The following APC2 variants were observed in gnomAD, a reference collection of about 807,000 sequenced individuals.
APC2 encodes the protein APC regulator of Wnt signaling pathway 2, also known as adenomatous polyposis coli protein 2.
Under a neutral mutation model 72.5 loss-of-function variants are expected in APC2, and 41 were observed. The observed-to-expected ratio is 0.57, with a 90% CI of 0.44 to 0.73. The LOEUF (loss-of-function observed/expected upper bound fraction) is 0.73, where lower values mean the gene tolerates loss of function less well. Ranked by LOEUF, APC2 falls within the 30% of genes least tolerant of loss-of-function variation. The pLI is 0.00. For synonymous variants in APC2, 1,898 were observed against 1,612.0 expected, an observed-to-expected ratio of 1.18 and a Z score of -4.25; for missense variants, 3,729 against 3,403.4, an observed-to-expected ratio of 1.10 and a Z score of -2.38.
upstream of APC2, among the ~76,000 whole-genome samples, chr19:1,448,916 C>T (rs945957288): frequency 6.6e-6 from 1 of 152,162 alleles, no homozygotes; most frequent in Non-Finnish European, 1.5e-5. Flanking sequence ...GCATTGCCTC[C>T]CCAGACCCAA....
intron 10 of APC2, among the ~76,000 whole-genome samples, chr19:1,459,397 G>A (rs1374174450): frequency 6.6e-6 from 1 of 152,222 alleles, no homozygotes; most frequent in African/African-American, 2.4e-5. Context: ...TTCTGAGGCT[G>A]CGTGACATCC....
chr19:1,468,854 G>T lies in APC2; in HGVS notation c.5553G>T (p.Glu1851Asp). The T allele has an allele frequency of 6.5e-7, 1 of 1,546,518 alleles. No individual in the cohort carries two copies. The highest frequency in any genetic ancestry group is 1.2e-5 in the South Asian group (1 of 84,818). Residue 1851 changes from glutamate to aspartate, a missense_variant, in exon 15 of 15, where the codon GAG (glutamate) becomes GAT (aspartate). Transcript: ENST00000590469. ...RSLHRPAKTS[E>D]LATLSQPPRS... is the part of the protein sequence containing the mutation. ...TACACCGGCCTGCCAAGACCTCGGA[G>T]CTGGCGACGCTGAGCCAGCCCCCCA... is the stretch of plus-strand genomic sequence containing the variant.
intron 14 of APC2, among the ~76,000 whole-genome samples, chr19:1,464,459 G>A (rs2083973377): frequency 1.3e-5 from 2 of 152,042 alleles, no homozygotes; most frequent in South Asian, 4.1e-4. Flanking sequence ...GGGAGGCTGA[G>A]GCGGTTAGAT....
chr19:1,466,671 G>A lies in APC2; in HGVS notation c.3370G>A (p.Val1124Ile), dbSNP rs1370175250. ...WRAPGATSLPVAIPAPRRNRG... is the reference protein window; with the variant it reads ...WRAPGATSLPIAIPAPRRNRG... ...GGCGCCCGGGGCCACCTCGCTGCCC[G>A]TAGCCATTCCGGCTCCCCGGCGTAA... The change falls in exon 15 of 15, where the codon GTA becomes ATA. Residue 1124 changes from valine to isoleucine, a missense_variant. Val to Ile is a conservative substitution (Grantham distance 29). Transcript: ENST00000590469. The A allele has an allele frequency of 2.0e-6, 3 of 1,504,536 alleles. No individual in the cohort carries two copies. Among genetic ancestry groups the A allele is most frequent in the African/African-American group, 1.4e-5 (1 of 72,764 alleles). The allele number at this position is 1,504,536 out of a possible 1,614,324, so 93.2% of individuals were successfully genotyped here.
intron 14 of APC2, among the ~76,000 whole-genome samples, chr19:1,462,699 A>G (rs1175171646): frequency 1.3e-4 from 20 of 148,340 alleles, no homozygotes; most frequent in Non-Finnish European, 3.0e-4. Flanking sequence ...AGCCAGGCGC[A>G]GTGGCTCACA....
Position 1,453,522 on chromosome 19 carries a change from C to A in APC2, c.324C>A (p.Ser108Arg), listed in dbSNP as rs751691617. 1 of 1,611,556 alleles carries A rather than the reference C, an allele frequency of 6.2e-7. No homozygotes were observed. Among genetic ancestry groups the A allele is most frequent in the East Asian group, 2.2e-5 (1 of 44,840 alleles). The change falls in exon 4 of 15, where the codon AGC becomes AGA. Residue 108 changes from serine to arginine, a missense_variant. Physicochemically the swap from Ser to Arg is moderately radical, Grantham distance 110. Coordinates refer to ENST00000590469, the MANE Select transcript of APC2 (RefSeq NM_005883.3). ...PEPAARTPEG[S>R]PVHGSGPSKD... Reference sequence around the variant, plus strand: ...CTGCCGCCCGGACCCCCGAGGGCAGCCCAGTACACGGCTCCGGGCCCTCCA... The same window carrying A: ...CTGCCGCCCGGACCCCCGAGGGCAGACCAGTACACGGCTCCGGGCCCTCCA...
In APC2 at chr19:1,468,256, C is replaced by T. The variant is rs1211890290; in HGVS notation, c.4955C>T (p.Pro1652Leu). Reference protein sequence around the residue: ...PPVSGLRRRKPRATRLDERPA... With the variant: ...PPVSGLRRRKLRATRLDERPA... ...GTGTCTGGCCTGCGGCGCCGCAAGC[C>T]CCGAGCCACCCGGCTGGATGAGCGG... Residue 1652 changes from proline (P) to leucine (L), a missense_variant, in exon 15 of 15, where the codon CCC (proline) becomes CTC (leucine). Physicochemically the swap from Pro to Leu is moderately conservative, Grantham distance 98. Transcript: ENST00000590469. The T allele has an allele frequency of 1.3e-6, 2 of 1,523,862 alleles. No homozygotes were observed. The highest frequency in any genetic ancestry group is 2.5e-5 in the East Asian group (1 of 39,432). 94.4% of individuals were successfully genotyped at this position (1,523,862 alleles called of 1,614,324 possible). A position where few individuals can be genotyped will look rare whatever the true frequency, so the allele number is the denominator to read the frequency against.
At position 1,468,508 on chromosome 19, in the gene APC2, G is replaced by C; in HGVS notation, c.5207G>C (p.Arg1736Thr). 1 of 1,603,848 alleles carries C rather than the reference G, an allele frequency of 6.2e-7. No individual in the cohort carries two copies. Among genetic ancestry groups the C allele is most frequent in the South Asian group, 1.1e-5 (1 of 90,474 alleles). ...TCCACCCTACAGCCCCCCAAGCACA[G>C]GAAGGGACGACAGGCGGAGGGAGAA... ...VGSTLQPPKHRKGRQAEGEMG... is the reference protein window; with the variant it reads ...VGSTLQPPKHTKGRQAEGEMG... Residue 1736 changes from arginine (R) to threonine (T), a missense_variant, in exon 15 of 15, where the codon AGG becomes ACG. Transcript: ENST00000590469.
rs1316022213 is a variant in APC2 at position 1,456,131 on chromosome 19, G to A, written c.695G>A (p.Arg232Gln). Residue 232 changes from arginine to glutamine, a missense_variant, in exon 7 of 15, where the codon CGA (arginine) becomes CAA (glutamine). Arg to Gln is a conservative substitution (Grantham distance 43). Coordinates refer to ENST00000590469, the MANE Select transcript of APC2 (RefSeq NM_005883.3). The stretch of plus-strand genomic sequence containing the variant: ...AAGGAGCTGCTGGAGGCGCAGGACC[G>A]AGTGCAGCAGACGGAGCCCCAGGTA... ...IDKELLEAQD[R>Q]VQQTEPQALL... 1.9e-6 allele frequency: 3 copies of A among 1,591,712 alleles called. No homozygotes were observed. In the African/African-American group the frequency reaches 4.0e-5, roughly 21 times the overall value.
chr19:1,452,907 C>T lies in APC2; in HGVS notation c.-18-77C>T, dbSNP rs1698507454. 4.6e-6 allele frequency: 7 copies of T among 1,507,060 alleles called. No homozygotes were observed. Among genetic ancestry groups the T allele is most frequent in the Non-Finnish European group, 6.2e-6 (7 of 1,121,270 alleles). 93.4% of individuals were successfully genotyped at this position (1,507,060 alleles called of 1,614,324 possible). A position where few individuals can be genotyped will look rare whatever the true frequency, so the allele number is the denominator to read the frequency against. On this transcript the variant is annotated intron_variant, in intron 1 of 14. Coordinates refer to ENST00000590469, the MANE Select transcript of APC2 (RefSeq NM_005883.3). This position sits in a 1 kb window ranked among gnomAD's most constrained non-coding sequence, Gnocchi z 5.1. ...CAGGCAGGACGGCTGGGGCTTAGGT[C>T]AGGGGCCGTCTGTCCGGAAGGCATC...
At position 1,469,514 on chromosome 19, in the gene APC2, C is replaced by A; in HGVS notation, c.6213C>A (p.Arg2071=). ...PPAARPSPGE[R]PARRTTSESP... is the part of the protein sequence containing the mutation. ...CGGCCCGACCCAGCCCTGGCGAGCG[C>A]CCTGCCCGGCGCACCACCTCCGAGA... Residue 2071 remains arginine (R), a synonymous_variant, in exon 15 of 15, where the codon CGC becomes CGA. Coordinates refer to ENST00000590469, the MANE Select transcript of APC2 (RefSeq NM_005883.3). The A allele has an allele frequency of 8.7e-7, 1 of 1,148,250 alleles. No homozygotes were observed. Among genetic ancestry groups the A allele is most frequent in the Non-Finnish European group, 1.1e-6 (1 of 929,628 alleles). 71.1% of individuals were successfully genotyped at this position (1,148,250 alleles called of 1,614,324 possible). A position where few individuals can be genotyped will look rare whatever the true frequency, so the allele number is the denominator to read the frequency against.
upstream of APC2, chr19:1,446,320 C>A: frequency 1.0e-6 from 1 of 985,292 alleles, no homozygotes; most frequent in Non-Finnish European, 1.2e-6. The surrounding 1 kb of genome is among the most constrained non-coding windows in gnomAD (Gnocchi z 6.1). Context: ...GCCTGCTGCA[C>A]TCGGCCTTCT....
Position 1,471,007 on chromosome 19 carries a change from A to G in APC2, c.*794A>G, listed in dbSNP as rs2145269754. The G allele has an allele frequency of 6.6e-6, 1 of 151,860 alleles. No homozygotes were observed. Among genetic ancestry groups the G allele is most frequent in the Middle Eastern group, 3.5e-3 (1 of 288 alleles). 9.4% of individuals were successfully genotyped at this position (151,860 alleles called of 1,614,324 possible). ...AGACGCCGGGCCGGCTGACATTTGG[A>G]CCCCATCCCAGAGGAGATGCTGGCT... On this transcript the variant is annotated 3_prime_UTR_variant, in exon 15 of 15. Transcript: ENST00000590469.
At chr19:1,454,043 T>G (rs791459) in intron 4 of APC2, among the ~76,000 whole-genome samples, 1 of 152,006 alleles carries the variant, frequency 6.6e-6, no homozygotes, top group South Asian at 2.1e-4. Context: ...AGGCAGGGTC[T>G]GGGCACCCTG....
chr19:1,467,433 C>T lies in APC2; in HGVS notation c.4132C>T (p.Pro1378Ser). 2.0e-6 allele frequency: 3 copies of T among 1,480,550 alleles called. No homozygotes were observed. The highest frequency in any genetic ancestry group is 2.7e-6 in the Non-Finnish European group (3 of 1,119,976). 91.7% of individuals were successfully genotyped at this position (1,480,550 alleles called of 1,614,324 possible). The change falls in exon 15 of 15, where the codon CCC (proline) becomes TCC (serine). Residue 1378 changes from proline (P) to serine (S), a missense_variant. Physicochemically the swap from Pro to Ser is moderately conservative, Grantham distance 74. Transcript: ENST00000590469. ...ALPVPVYMLV[P>S]APAPAQEDDS... The stretch of plus-strand genomic sequence containing the variant: ...CCCCGTGCCCGTCTACATGTTGGTG[C>T]CCGCCCCGGCCCCGGCCCAGGAGGA...
At chr19:1,455,591 T>C (rs1206283209) in intron 6 of APC2, 91 bp downstream of exon 6, 6 of 1,277,794 alleles carry the variant, frequency 4.7e-6, no homozygotes, top group South Asian at 1.3e-5. Context: ...GGGTCTGGGG[T>C]AATGGGAGGA....
chr19:1,470,600 G>A lies in APC2; in HGVS notation c.*387G>A, dbSNP rs1259847345. ...GGGTCCGCTGCTTCGCAGGGACAGC[G>A]CTGGGGAGGTGACGGCGCCCGCCGC... On this transcript the variant is annotated 3_prime_UTR_variant, in exon 15 of 15. Coordinates refer to ENST00000590469, the MANE Select transcript of APC2 (RefSeq NM_005883.3). 1 of 182,440 alleles carries A rather than the reference G, an allele frequency of 5.5e-6. No homozygotes were observed. The highest frequency in any genetic ancestry group is 1.4e-4 in the East Asian group (1 of 7,142). 11.3% of individuals were successfully genotyped at this position (182,440 alleles called of 1,614,324 possible).
upstream of APC2, among the ~76,000 whole-genome samples, chr19:1,446,601 C>G (rs1329350091): frequency 4.6e-5 from 7 of 152,116 alleles, no homozygotes; most frequent in Non-Finnish European, 8.8e-5. This position sits in a 1 kb window ranked among gnomAD's most constrained non-coding sequence, Gnocchi z 6.1. Flanking sequence ...AGGGCTCGCC[C>G]AGCCCAGCCC....
rs1568181875 is a variant in APC2, at chr19:1,467,722, G to A, written c.4421G>A (p.Ser1474Asn). The part of the protein sequence containing the change: ...GLELPLGRPP[S>N]APADKDGSKP... The stretch of plus-strand genomic sequence containing the variant: ...GAGCTGCCCCTGGGCCGGCCCCCGA[G>A]CGCCCCCGCAGACAAGGACGGCTCA... Residue 1474 changes from serine (S) to asparagine (N), a missense_variant, in exon 15 of 15, where the codon AGC (serine) becomes AAC (asparagine). Physicochemically the swap from Ser to Asn is conservative, Grantham distance 46. Transcript: ENST00000590469. 1.4e-6 allele frequency: 2 copies of A among 1,437,090 alleles called. No homozygotes were observed. Among genetic ancestry groups the A allele is most frequent in the Non-Finnish European group, 9.1e-7 (1 of 1,104,042 alleles). The allele number at this position is 1,437,090 out of a possible 1,614,324, so 89.0% of individuals were successfully genotyped here. A position where few individuals can be genotyped will look rare whatever the true frequency, so the allele number is the denominator to read the frequency against.
Sources: gnomAD v4.1 joint callset for allele counts (sites outside exome capture counted in the v4.1 genomes callset) on GRCh38, gnomAD v4.1.1 for gene constraint, Gnocchi (gnomAD v3.1) non-coding constraint, MANE v1.5 for transcripts, NCBI Gene and HGNC (gene_info 2026-07-23, HGNC 2026-07-21) for gene names.